Variants in AIF1L observed in about 807,000 individuals in gnomAD.
AIF1L encodes allograft inflammatory factor 1-like.
Under a neutral mutation model 20.7 loss-of-function variants are expected in AIF1L, and 12 were observed. The observed-to-expected ratio is 0.58, with a 90% CI of 0.37 to 0.94. The LOEUF is 0.94. Among genes scored for constraint, AIF1L ranks in the 40% least tolerant of loss-of-function variants. The pLI is 0.01. For missense variants in AIF1L, 173 were observed against 185.3 expected, an observed-to-expected ratio of 0.93 and a Z score of 0.39; for synonymous variants, 76 against 65.1, an observed-to-expected ratio of 1.17 and a Z score of -0.81.
chr9:131,110,064 G>A (rs138496895), intron 2 of AIF1L, among the ~76,000 whole-genome samples: 1 of 152,200 alleles, frequency 6.6e-6, no homozygotes, highest in African/African-American at 2.4e-5. Context: ...ACAAAAATAA[G>A]CCAGCCGTGG....
intron 3 of AIF1L, chr9:131,112,360 G>A (rs1564167603): frequency 1.3e-5 from 2 of 152,384 alleles, no homozygotes; most frequent in Non-Finnish European, 2.9e-5. Context: ...CCCCTCCAAA[G>A]TGTTTGCAGT....
chr9:131,099,957 C>T (rs989923664), intron 2 of AIF1L, among the ~76,000 whole-genome samples: 2 of 152,042 alleles, frequency 1.3e-5, no homozygotes, highest in African/African-American at 4.8e-5. Flanking sequence ...GAACTCCTGA[C>T]CTCAGGTGAT....
intron 2 of AIF1L, among the ~76,000 whole-genome samples, chr9:131,109,947 C>T (rs1830838265): frequency 6.6e-6 from 1 of 152,194 alleles, no homozygotes; most frequent in Non-Finnish European, 1.5e-5. Context: ...CCGTGGCTCA[C>T]ACCTGTAATC....
intron 5 of AIF1L, among the ~76,000 whole-genome samples, chr9:131,119,217 T>C (rs1223550238): frequency 6.6e-6 from 1 of 152,152 alleles, no homozygotes; most frequent in Admixed American, 6.5e-5. Flanking sequence ...AAAATAACAC[T>C]CTGCCAGGTG....
At chr9:131,107,565 G>T (rs1254980775) in intron 2 of AIF1L, among the ~76,000 whole-genome samples, 1 of 152,212 alleles carries the variant, frequency 6.6e-6, no homozygotes, top group Non-Finnish European at 1.5e-5. Context: ...GGTCACTGTG[G>T]TGAGTTGGAC....
In AIF1L at chr9:131,122,183, C is replaced by G. The variant is rs1183925983; in HGVS notation, c.*1861C>G. 6.6e-6 allele frequency: 1 copy of G among 152,404 alleles called. No individual in the cohort carries two copies. Among genetic ancestry groups the G allele is most frequent in the East Asian group, 1.9e-4 (1 of 5,168 alleles). 9.4% of individuals were successfully genotyped at this position (152,404 alleles called of 1,614,324 possible). A position where few individuals can be genotyped will look rare whatever the true frequency, so the allele number is the denominator to read the frequency against. ...TTTGCAACACCTTAAGTGGACAGGACTGGGAGGTCTTGGTGGTTGGAGCCA... is the reference window on the plus strand; with the variant it reads ...TTTGCAACACCTTAAGTGGACAGGAGTGGGAGGTCTTGGTGGTTGGAGCCA... On this transcript the variant is annotated 3_prime_UTR_variant, in exon 6 of 6. Coordinates refer to ENST00000247291, the MANE Select transcript of AIF1L (RefSeq NM_031426.4).
chr9:131,120,890 T>G lies in AIF1L; in HGVS notation c.*568T>G. 1 of 491,012 alleles carries G rather than the reference T, an allele frequency of 2.0e-6. No homozygotes were observed. The highest frequency in any genetic ancestry group is 3.2e-5 in the East Asian group (1 of 31,244). 30.4% of individuals were successfully genotyped at this position (491,012 alleles called of 1,614,324 possible). ...ATTCCACACCTCTTCTCATCCTCAG[T>G]GATGTGAAGGTGGGAAGGAAAGGAG... On this transcript the variant is annotated 3_prime_UTR_variant, in exon 6 of 6. Coordinates refer to ENST00000247291, the MANE Select transcript of AIF1L (RefSeq NM_031426.4).
In AIF1L at chr9:131,120,862, C is replaced by T. The variant is rs544934898; in HGVS notation, c.*540C>T. ...GCCCCGCTGCCCCAGCTGATCCCCA[C>T]TCATTCCACACCTCTTCTCATCCTC... On this transcript the variant is annotated 3_prime_UTR_variant, in exon 6 of 6. Transcript: ENST00000247291. 5.8e-4 allele frequency: 270 copies of T among 462,014 alleles called. No individual in the cohort carries two copies. Among genetic ancestry groups the T allele is most frequent in the Admixed American group, 1.6e-3 (41 of 25,682 alleles). 28.6% of individuals were successfully genotyped at this position (462,014 alleles called of 1,614,324 possible).
intron 2 of AIF1L, among the ~76,000 whole-genome samples, chr9:131,100,161 C>G (rs948298014): frequency 1.3e-5 from 2 of 152,176 alleles, no homozygotes; most frequent in African/African-American, 4.8e-5. Flanking sequence ...TCCATCTCAT[C>G]CTCTCAAGTA....
chr9:131,109,223 A>AATGAATGG (rs35759379), intron 2 of AIF1L, among the ~76,000 whole-genome samples: 2,899 of 63,306 alleles, frequency 0.046, 69 homozygotes, highest in African/African-American at 0.1. Flanking sequence ...TGAATGAATG[A>AATGAATGG]AGGAGCAATG....
rs1003891781 is a variant in AIF1L at position 131,111,513 on chromosome 9, G to A, written c.94-84G>A. The A allele has an allele frequency of 3.1e-6, 4 of 1,293,444 alleles. No individual in the cohort carries two copies. The Admixed American group carries it at 5.4e-5, about 18-fold the overall frequency. The allele number at this position is 1,293,444 out of a possible 1,614,324, so 80.1% of individuals were successfully genotyped here. ...GGTCGCACCTGGTTACCCGATAGGA[G>A]GGAAGGCCCCCGGACAGTGGGCCCA... On this transcript the variant is annotated intron_variant, in intron 2 of 5. Transcript: ENST00000247291.
chr9:131,106,182 C>T, intron 2 of AIF1L: 2 of 1,535,184 alleles, frequency 1.3e-6, no homozygotes, highest in South Asian at 2.4e-5. Flanking sequence ...CCCACTTCCT[C>T]CTCAGTACTG....
Position 131,122,286 on chromosome 9 carries a change from G to C in AIF1L, c.*1964G>C, listed in dbSNP as rs1048162117. On this transcript the variant is annotated 3_prime_UTR_variant, in exon 6 of 6. Transcript: ENST00000247291. ...AAAACAGGTAAGGCATGAGGAAATGGCCAGGTTGGGTTAACCCACTGGTTT... is the reference window on the plus strand; with the variant it reads ...AAAACAGGTAAGGCATGAGGAAATGCCCAGGTTGGGTTAACCCACTGGTTT... The C allele has an allele frequency of 2.0e-5, 3 of 152,598 alleles. No homozygotes were observed. The highest frequency in any genetic ancestry group is 7.2e-5 in the African/African-American group (3 of 41,444). The allele number at this position is 152,598 out of a possible 1,614,324, so 9.5% of individuals were successfully genotyped here. A position where few individuals can be genotyped will look rare whatever the true frequency, so the allele number is the denominator to read the frequency against.
intron 2 of AIF1L, among the ~76,000 whole-genome samples, chr9:131,098,698 T>G (rs966420872): frequency 1.3e-5 from 2 of 152,100 alleles, no homozygotes; most frequent in South Asian, 4.1e-4. Context: ...AGGAGGGACT[T>G]TAACAGCTGT....
chr9:131,102,328 G>T (rs188002926), intron 2 of AIF1L, among the ~76,000 whole-genome samples: 1 of 152,296 alleles, frequency 6.6e-6, no homozygotes, highest in Non-Finnish European at 1.5e-5. Flanking sequence ...CCCAGCAATG[G>T]GGGGCCTCTG....
At chr9:131,117,696 C>G in intron 4 of AIF1L, 60 bp from the exon 5 acceptor site, 1 of 1,506,176 alleles carries the variant, frequency 6.6e-7, no homozygotes, top group Non-Finnish European at 8.9e-7. Flanking sequence ...GCTTTCCCAG[C>G]TTCCCTGCTA....
At chr9:131,110,745 G>A (rs914839906) in intron 2 of AIF1L, among the ~76,000 whole-genome samples, 2 of 151,336 alleles carry the variant, frequency 1.3e-5, no homozygotes, top group Non-Finnish European at 2.9e-5. Context: ...TCAGGTGATC[G>A]GCCCACCTTG....
At chr9:131,099,777 A>G (rs1588178338) in intron 2 of AIF1L, among the ~76,000 whole-genome samples, 3 of 131,758 alleles carry the variant, frequency 2.3e-5, no homozygotes, top group African/African-American at 8.9e-5. Flanking sequence ...CCCAGGCTGG[A>G]GTGCAGTGGC....
chr9:131,114,656 T>C (rs1297107971), intron 4 of AIF1L, 38 bp downstream of exon 4: 1 of 1,612,810 alleles, frequency 6.2e-7, no homozygotes, highest in Non-Finnish European at 8.5e-7. Context: ...GAGGAGGGTG[T>C]TAAGTGGGTA....
Sources: allele counts gnomAD v4.1 joint callset (sites outside exome capture counted in the v4.1 genomes callset), GRCh38; gene constraint gnomAD v4.1.1; transcripts MANE v1.5; gene names NCBI Gene and HGNC (gene_info 2026-07-23, HGNC 2026-07-21).